The following WDR59 variants were observed in gnomAD, a reference collection of about 807,000 sequenced individuals.
The protein encoded by WDR59 is GATOR2 complex protein WDR59.
WDR59 carries 100 observed loss-of-function variants against 131.2 expected under a neutral mutation model. That is an observed-to-expected ratio of 0.76 (90% CI 0.65 to 0.90). The LOEUF is 0.90. Among genes scored for constraint, WDR59 ranks in the 40% least tolerant of loss-of-function variants. WDR59 has a pLI of 0.00. For missense variants in WDR59, 1,203 were observed against 1,262.2 expected, an observed-to-expected ratio of 0.95 and a Z score of 0.71; for synonymous variants, 601 against 466.2, an observed-to-expected ratio of 1.29 and a Z score of -3.72.
chr16:74,892,673 A>G, intron 19 of WDR59, 108 bp from the exon 20 acceptor site: 1 of 944,874 alleles, frequency 1.1e-6, no homozygotes, highest in Admixed American at 2.3e-5. Flanking sequence ...GTTATCACTC[A>G]AAATGTTTTA....
intron 25 of WDR59, among the ~76,000 whole-genome samples, chr16:74,881,047 G>A (rs562008571): frequency 1.8e-4 from 28 of 152,160 alleles, no homozygotes; most frequent in Admixed American, 4.6e-4. Context: ...GAAAGCGATC[G>A]CTTTGCTCTG....
At chr16:74,973,166 G>A (rs543831444) in intron 1 of WDR59, among the ~76,000 whole-genome samples, 4 of 152,090 alleles carry the variant, frequency 2.6e-5, no homozygotes, top group Non-Finnish European at 5.9e-5. Context: ...GCTTGAACCC[G>A]GGAGGTAGAG....
intron 11 of WDR59, among the ~76,000 whole-genome samples, chr16:74,917,049 G>A (rs111507199): frequency 2.0e-5 from 3 of 152,088 alleles, no homozygotes; most frequent in Non-Finnish European, 4.4e-5. Context: ...TGTACCAAGC[G>A]CTGTGGGAGA....
At chr16:74,912,059 G>A (rs376741783) in intron 14 of WDR59, 139 bp downstream of exon 14, 15 of 1,160,926 alleles carry the variant, frequency 1.3e-5, no homozygotes, top group African/African-American at 1.1e-4. Flanking sequence ...CAAGTTCAGA[G>A]GTTACGTTGC....
Position 74,874,305 on chromosome 16 carries a change from GTGCC to G in WDR59, c.2825_2828del (p.Gly942AlafsTer8). ...CCATCATGTGGCTGGTGTGGCCACC[GTGCC>G]CACAGGTCAGGCAGAAATTGGACGA... On this transcript the variant is annotated frameshift_variant, in exon 26 of 26. Transcript: ENST00000262144. LOFTEE classifies it high-confidence loss of function. The G allele has an allele frequency of 6.2e-7, 1 of 1,614,092 alleles. No homozygotes were observed. Among genetic ancestry groups the G allele is most frequent in the South Asian group, 1.1e-5 (1 of 91,080 alleles).
At chr16:74,918,631 G>C (rs1966504544) in intron 10 of WDR59, among the ~76,000 whole-genome samples, 1 of 152,172 alleles carries the variant, frequency 6.6e-6, no homozygotes. Flanking sequence ...AAATTATCCT[G>C]AAAAGGTTCA....
Position 74,965,802 on chromosome 16 carries a change from G to A in WDR59, c.75C>T (p.Asp25=), listed in dbSNP as rs2033748375. The change falls in exon 2 of 26, where the codon GAC becomes GAT. Residue 25 remains aspartate (D), a synonymous_variant. Transcript: ENST00000262144. Reference sequence around the variant, plus strand: ...AAAGCACTGCATGCTGCCCAAGACAGTCCACAGACATCGCAGTTGCCTGAG... The same window carrying A: ...AAAGCACTGCATGCTGCCCAAGACAATCCACAGACATCGCAGTTGCCTGAG... ...RDSQATAMSV[D]CLGQHAVLSG... 9.9e-6 allele frequency: 16 copies of A among 1,614,108 alleles called. No homozygotes were observed. Among genetic ancestry groups the A allele is most frequent in the Non-Finnish European group, 1.4e-5 (16 of 1,180,004 alleles).
At chr16:74,947,053 C>CT (rs1436445987) in intron 6 of WDR59, among the ~76,000 whole-genome samples, 1 of 152,198 alleles carries the variant, frequency 6.6e-6, no homozygotes, top group African/African-American at 2.4e-5. Flanking sequence ...GGAATATTCC[C>CT]TAGTAGCCCC....
intron 13 of WDR59, chr16:74,915,576 A>AT: frequency 4.6e-6 from 1 of 215,536 alleles, no homozygotes; most frequent in African/African-American, 4.3e-5. Flanking sequence ...ATTACAGGCT[A>AT]ATTTTTTTTT....
chr16:74,893,391 G>A (rs575675180), intron 19 of WDR59, among the ~76,000 whole-genome samples: 19 of 152,186 alleles, frequency 1.2e-4, no homozygotes, highest in African/African-American at 2.9e-4. Context: ...GCTTTGCATC[G>A]GATGAGACCA....
intron 1 of WDR59, among the ~76,000 whole-genome samples, chr16:74,974,431 CACT>C (rs1445497362): frequency 6.6e-6 from 1 of 152,106 alleles, no homozygotes; most frequent in African/African-American, 2.4e-5. Context: ...ATATACCGAC[CACT>C]ACGCTAGGTG....
chr16:74,925,258 G>A (rs939804941), intron 8 of WDR59, among the ~76,000 whole-genome samples: 3 of 152,152 alleles, frequency 2.0e-5, no homozygotes, highest in Admixed American at 1.3e-4. Context: ...ATACTAGTCC[G>A]GGTGTGGTAG....
chr16:74,957,220 A>G (rs1447595959), intron 2 of WDR59, among the ~76,000 whole-genome samples: 2 of 151,674 alleles, frequency 1.3e-5, no homozygotes, highest in African/African-American at 4.9e-5. Flanking sequence ...AGCTGGGATT[A>G]CAGGCACCCA....
chr16:74,897,150 C>T (rs982966160), intron 18 of WDR59, among the ~76,000 whole-genome samples: 2 of 152,224 alleles, frequency 1.3e-5, no homozygotes, highest in Non-Finnish European at 2.9e-5. Context: ...CACCCTTCTA[C>T]GATGACTCAC....
intron 20 of WDR59, 56 bp downstream of exon 20, chr16:74,892,428 A>G (rs1027405468): frequency 1.4e-6 from 2 of 1,433,790 alleles, no homozygotes; most frequent in African/African-American, 2.9e-5. Flanking sequence ...GACAAAGTAA[A>G]AACAATTTGC....
At chr16:74,980,509 A>G (rs996620165) in intron 1 of WDR59, among the ~76,000 whole-genome samples, 1 of 151,222 alleles carries the variant, frequency 6.6e-6, no homozygotes, top group African/African-American at 2.4e-5. Context: ...ACACGCCACC[A>G]TGCCTGGCTA....
intron 8 of WDR59, among the ~76,000 whole-genome samples, chr16:74,927,944 T>C (rs1197055046): frequency 6.8e-6 from 1 of 146,636 alleles, no homozygotes; most frequent in African/African-American, 2.5e-5. Context: ...AGTCTTGCTC[T>C]GTTGCCAGGC....
intron 14 of WDR59, 173 bp downstream of exon 14, chr16:74,912,022 CTGA>C (rs1240799866): frequency 1.2e-6 from 1 of 800,326 alleles, no homozygotes; most frequent in Non-Finnish European, 1.9e-6. Flanking sequence ...AACCACTGCT[CTGA>C]TGTTTTCTGC....
At chr16:74,896,089 T>TAA (rs796640807) in intron 18 of WDR59, among the ~76,000 whole-genome samples, 9 of 146,572 alleles carry the variant, frequency 6.1e-5, no homozygotes, top group African/African-American at 2.2e-4. Flanking sequence ...GGCACTGGAT[T>TAA]AAAAAAAAAA....
Sources: allele counts gnomAD v4.1 joint callset (sites outside exome capture counted in the v4.1 genomes callset), GRCh38; gene constraint gnomAD v4.1.1; transcripts MANE v1.5; gene names NCBI Gene and HGNC (gene_info 2026-07-23, HGNC 2026-07-21).